Variants in RAB38 observed in about 807,000 individuals in gnomAD.
RAB38 encodes the protein RAB38, member RAS oncogene family, also known as ras-related protein Rab-38.
RAB38 carries 15 observed loss-of-function variants against 18.4 expected under a neutral mutation model. The ratio of observed to expected loss-of-function variants is 0.82; its 90% CI spans 0.55 to 1.26. The LOEUF is 1.26. Ranked by LOEUF, RAB38 falls within the 50% of genes most tolerant of loss-of-function variation. RAB38 has a pLI of 0.00. For synonymous variants in RAB38, 101 were observed against 104.4 expected (o/e 0.97, Z 0.20); for missense variants, 294 against 267.4 (o/e 1.10, Z -0.69).
At chr11:87,949,361 T>C in the RAB38 span, among the ~76,000 whole-genome samples, 1 of 152,228 alleles carries the variant, frequency 6.6e-6, no homozygotes, top group Non-Finnish European at 1.5e-5. Context: ...CATTAATTTT[T>C]TGAAGGGTTT....
the RAB38 span, among the ~76,000 whole-genome samples, chr11:88,021,477 T>C: frequency 5.3e-5 from 8 of 152,176 alleles, no homozygotes; most frequent in African/African-American, 1.4e-4. Flanking sequence ...CCAGGACCCA[T>C]TGGCTTCACT....
At chr11:87,958,453 C>G in the RAB38 span, among the ~76,000 whole-genome samples, 1 of 152,090 alleles carries the variant, frequency 6.6e-6, no homozygotes, top group African/African-American at 2.4e-5. Context: ...TTCTTCATAC[C>G]TATCTTATTC....
At chr11:88,145,907 C>T (rs302666) in intron 2 of RAB38, among the ~76,000 whole-genome samples, 42,147 of 151,916 alleles carry the variant, frequency 0.28, 6,572 homozygotes, top group Non-Finnish European at 0.33. Context: ...TATACATCAC[C>T]TAGAGAATCC....
the RAB38 span, among the ~76,000 whole-genome samples, chr11:87,970,335 C>G: frequency 1.3e-5 from 2 of 152,054 alleles, no homozygotes. Context: ...CTCACCTCCC[C>G]CCAATCTTAG....
the RAB38 span, among the ~76,000 whole-genome samples, chr11:88,064,255 A>C: frequency 2.0e-5 from 3 of 152,226 alleles, no homozygotes; most frequent in African/African-American, 7.2e-5. Flanking sequence ...AATGGAGTAG[A>C]GAGTAGCTAA....
chr11:88,023,647 T>C, the RAB38 span, among the ~76,000 whole-genome samples: 2 of 152,188 alleles, frequency 1.3e-5, no homozygotes, highest in East Asian at 3.9e-4. Flanking sequence ...GACTTCAAAT[T>C]GTGCTACAGA....
At chr11:87,820,884 G>C in the RAB38 span, among the ~76,000 whole-genome samples, 2 of 152,196 alleles carry the variant, frequency 1.3e-5, no homozygotes, top group African/African-American at 4.8e-5. Flanking sequence ...GCATATTAGA[G>C]AGAGAAGAAT....
the RAB38 span, among the ~76,000 whole-genome samples, chr11:87,845,347 CT>C: frequency 6.6e-6 from 1 of 151,984 alleles, no homozygotes; most frequent in Non-Finnish European, 1.5e-5. Context: ...AAACAAAAGC[CT>C]CACACATGTG....
chr11:88,020,173 A>G, the RAB38 span, among the ~76,000 whole-genome samples: 1 of 152,186 alleles, frequency 6.6e-6, no homozygotes, highest in Non-Finnish European at 1.5e-5. Context: ...GAGGAGCTGA[A>G]TAGATAAAAT....
chr11:87,961,984 G>A, the RAB38 span, among the ~76,000 whole-genome samples: 1 of 152,080 alleles, frequency 6.6e-6, no homozygotes, highest in African/African-American at 2.4e-5. Flanking sequence ...CTTTCATATT[G>A]GTCATGGTTT....
chr11:87,927,304 T>G, the RAB38 span, among the ~76,000 whole-genome samples: 30 of 152,080 alleles, frequency 2.0e-4, no homozygotes, highest in Admixed American at 2.0e-3. Flanking sequence ...AATATAGGCT[T>G]GATAAATAAA....
chr11:88,159,159 A>G (rs979379656), intron 1 of RAB38, among the ~76,000 whole-genome samples: 2 of 151,568 alleles, frequency 1.3e-5, no homozygotes, highest in African/African-American at 4.8e-5. Flanking sequence ...TGTTCAAGCC[A>G]AGAGCCAAAT....
At chr11:88,006,008 T>C in the RAB38 span, among the ~76,000 whole-genome samples, 5 of 151,610 alleles carry the variant, frequency 3.3e-5, no homozygotes, top group African/African-American at 1.2e-4. Flanking sequence ...ACTGACAGAA[T>C]AGAAGAATAT....
chr11:88,044,089 G>C, the RAB38 span, among the ~76,000 whole-genome samples: 1 of 152,132 alleles, frequency 6.6e-6, no homozygotes, highest in Non-Finnish European at 1.5e-5. Context: ...AGAGACAAAG[G>C]AGAGGCATTT....
At chr11:87,970,596 T>C in the RAB38 span, among the ~76,000 whole-genome samples, 1,883 of 152,190 alleles carry the variant, frequency 0.012, 37 homozygotes, top group African/African-American at 0.043. Flanking sequence ...AGAAAAGTCA[T>C]TGCTTGTGTT....
At chr11:87,960,712 T>C in the RAB38 span, among the ~76,000 whole-genome samples, 3 of 152,190 alleles carry the variant, frequency 2.0e-5, no homozygotes, top group Admixed American at 6.5e-5. Flanking sequence ...CTCTTTGATA[T>C]TTTTATAAAG....
chr11:88,028,316 G>C, the RAB38 span, among the ~76,000 whole-genome samples: 2 of 152,172 alleles, frequency 1.3e-5, no homozygotes, highest in African/African-American at 4.8e-5. Flanking sequence ...CTAAAAAGCA[G>C]AGCGCCTCTC....
At chr11:88,173,506 C>A in intron 1 of RAB38, 1 of 983,580 alleles carries the variant, frequency 1.0e-6, no homozygotes, top group South Asian at 4.7e-5. Context: ...ACCCTTCCAT[C>A]TCTTCTGTTT....
At chr11:87,893,390 A>ATATATATTTTTTTT in the RAB38 span, among the ~76,000 whole-genome samples, 22 of 93,890 alleles carry the variant, frequency 2.3e-4, no homozygotes, top group African/African-American at 5.6e-4. Flanking sequence ...ATATATATAT[A>ATATATATTTTTTTT]TTTTTTTTTT....
Sources: gnomAD v4.1 joint callset for allele counts (sites outside exome capture counted in the v4.1 genomes callset) on GRCh38, gnomAD v4.1.1 for gene constraint, MANE v1.5 for transcripts, NCBI Gene and HGNC (gene_info 2026-07-23, HGNC 2026-07-21) for gene names.